The following EHBP1 variants were observed in gnomAD, a reference collection of about 807,000 sequenced individuals.
The protein encoded by EHBP1 is EH domain binding protein 1.
In EHBP1, 55 loss-of-function variants were observed where a neutral mutation model predicts 144.0. The observed-to-expected ratio is 0.38, with a 90% CI of 0.31 to 0.48. EHBP1 has a LOEUF of 0.48. EHBP1 is among the 20% of genes least tolerant of loss of function. EHBP1 has a pLI of 0.98. For synonymous variants in EHBP1, 469 were observed against 472.7 expected, an observed-to-expected ratio of 0.99 and a Z score of 0.10; for missense variants, 1,200 against 1,364.2, an observed-to-expected ratio of 0.88 and a Z score of 1.90.
chr2:62,730,951 A>G (rs916342213), intron 2 of EHBP1, among the ~76,000 whole-genome samples: 38 of 150,296 alleles, frequency 2.5e-4, no homozygotes, highest in Non-Finnish European at 4.6e-4. Flanking sequence ...AAAGACAGAG[A>G]GAAAGATACT....
At chr2:62,867,491 A>C (rs753540528) in intron 9 of EHBP1, among the ~76,000 whole-genome samples, 1 of 152,204 alleles carries the variant, frequency 6.6e-6, no homozygotes, top group Non-Finnish European at 1.5e-5. Flanking sequence ...GAAGCATCCA[A>C]AACAAAAAAC....
chr2:62,700,766 G>T (rs1007538528), upstream of EHBP1, among the ~76,000 whole-genome samples: 1 of 152,068 alleles, frequency 6.6e-6, no homozygotes, highest in African/African-American at 2.4e-5. Flanking sequence ...GCCACATTTT[G>T]CATGTCCAGT....
At chr2:62,991,628 C>A (rs2059417301) in intron 16 of EHBP1, among the ~76,000 whole-genome samples, 1 of 152,142 alleles carries the variant, frequency 6.6e-6, no homozygotes, top group Non-Finnish European at 1.5e-5. Flanking sequence ...ACATTTTAGT[C>A]AAAAATGCCA....
intron 19 of EHBP1, among the ~76,000 whole-genome samples, chr2:62,997,476 G>A (rs944516797): frequency 1.8e-4 from 27 of 145,978 alleles, no homozygotes; most frequent in African/African-American, 6.8e-4. Context: ...GTGTGTGTGT[G>A]TAAAATGCTG....
intron 19 of EHBP1, among the ~76,000 whole-genome samples, chr2:62,999,626 A>G (rs763354304): frequency 6.6e-6 from 1 of 152,202 alleles, no homozygotes; most frequent in South Asian, 2.1e-4. Context: ...CATATCTTCA[A>G]GGTTCATCCA....
At chr2:62,792,788 GAT>G (rs1468462409) in intron 5 of EHBP1, among the ~76,000 whole-genome samples, 2 of 151,984 alleles carry the variant, frequency 1.3e-5, no homozygotes, top group East Asian at 3.9e-4. Flanking sequence ...CTTAGAGTGA[GAT>G]ATTTAAGTGC....
At chr2:62,719,523 A>G (rs1906198) in intron 2 of EHBP1, among the ~76,000 whole-genome samples, 47,722 of 152,094 alleles carry the variant, frequency 0.31, 7,583 homozygotes, top group Middle Eastern at 0.54. Flanking sequence ...ATGTTTAACA[A>G]TTTTGAAGGA....
At chr2:62,924,939 A>G (rs1315608615) in intron 10 of EHBP1, among the ~76,000 whole-genome samples, 2 of 152,220 alleles carry the variant, frequency 1.3e-5, no homozygotes. Flanking sequence ...GAACGTGGAC[A>G]CAAAAATCTT....
intron 5 of EHBP1, among the ~76,000 whole-genome samples, chr2:62,787,973 G>A (rs953316599): frequency 3.4e-5 from 5 of 146,826 alleles, no homozygotes; most frequent in Admixed American, 1.3e-4. Context: ...GAATGGAGTA[G>A]GATGGTTTCT....
chr2:62,946,646 T>G (rs953056288), intron 12 of EHBP1, among the ~76,000 whole-genome samples: 3 of 152,192 alleles, frequency 2.0e-5, no homozygotes, highest in Admixed American at 1.3e-4. Context: ...TAATAACATC[T>G]ACAAATGAAT....
At chr2:62,838,500 C>A (rs1035365564) in intron 7 of EHBP1, among the ~76,000 whole-genome samples, 9 of 151,988 alleles carry the variant, frequency 5.9e-5, no homozygotes, top group South Asian at 2.1e-4. Flanking sequence ...CAGAGCAGAA[C>A]TGAAGGAAAT....
chr2:63,034,716 G>A (rs2061389722), intron 19 of EHBP1, among the ~76,000 whole-genome samples: 1 of 151,790 alleles, frequency 6.6e-6, no homozygotes, highest in South Asian at 2.1e-4. Flanking sequence ...TCTAGTGACG[G>A]TACTAGATCT....
At chr2:62,963,504 G>C (rs1180172051) in intron 14 of EHBP1, among the ~76,000 whole-genome samples, 1 of 152,052 alleles carries the variant, frequency 6.6e-6, no homozygotes, top group Non-Finnish European at 1.5e-5. Flanking sequence ...ATAAAAATAT[G>C]TATGAGATTA....
intron 7 of EHBP1, among the ~76,000 whole-genome samples, chr2:62,837,102 A>C (rs1477249151): frequency 6.8e-6 from 1 of 146,052 alleles, no homozygotes; most frequent in African/African-American, 2.6e-5. Context: ...AGGTCAGGTT[A>C]CCCTCAAAGG....
At chr2:62,846,125 A>G (rs2048283556) in intron 7 of EHBP1, among the ~76,000 whole-genome samples, 1 of 152,104 alleles carries the variant, frequency 6.6e-6, no homozygotes, top group African/African-American at 2.4e-5. Context: ...TTTCTCTGTC[A>G]CTCTTAAATG....
intron 19 of EHBP1, among the ~76,000 whole-genome samples, chr2:63,021,718 GA>G (rs1340571786): frequency 2.0e-5 from 3 of 152,056 alleles, no homozygotes; most frequent in African/African-American, 7.2e-5. Flanking sequence ...GTACTTTATA[GA>G]AGGGTGCAAG....
At chr2:62,691,214 C>T (rs950471164) in intron 1 of EHBP1, among the ~76,000 whole-genome samples, 3 of 152,182 alleles carry the variant, frequency 2.0e-5, no homozygotes, top group African/African-American at 7.2e-5. Context: ...ATGATTACTT[C>T]TGTCTCATAT....
chr2:62,756,249 T>C (rs1170604486), intron 3 of EHBP1, among the ~76,000 whole-genome samples: 1 of 152,240 alleles, frequency 6.6e-6, no homozygotes, highest in Non-Finnish European at 1.5e-5. Context: ...GTATCAAACA[T>C]TGTTTGAATC....
intron 19 of EHBP1, among the ~76,000 whole-genome samples, chr2:63,021,401 A>T (rs774982564): frequency 1.3e-5 from 2 of 152,196 alleles, no homozygotes; most frequent in African/African-American, 2.4e-5. Flanking sequence ...ATTTTCACAG[A>T]TAGATTAATA....
Sources: allele counts gnomAD v4.1 joint callset (sites outside exome capture counted in the v4.1 genomes callset), GRCh38; gene constraint gnomAD v4.1.1; transcripts MANE v1.5; gene names NCBI Gene and HGNC (gene_info 2026-07-23, HGNC 2026-07-21).